The following STAB1 variants were observed in gnomAD, a reference collection of about 807,000 sequenced individuals.
The protein encoded by STAB1 is stabilin-1.
Under a neutral mutation model 332.4 loss-of-function variants are expected in STAB1, and 250 were observed. That is an observed-to-expected ratio of 0.75 (90% CI 0.68 to 0.84). STAB1 has a LOEUF of 0.84. Ranked by LOEUF, STAB1 falls within the 40% of genes least tolerant of loss-of-function variation. STAB1 has a pLI of 0.00. For missense variants in STAB1, 3,249 were observed against 3,489.7 expected (o/e 0.93, Z 1.74); for synonymous variants, 1,475 against 1,390.4 (o/e 1.06, Z -1.35).
Position 52,524,289 on chromosome 3 carries a change from T to C in STAB1, c.7657-11T>C. On this transcript the variant is annotated splice_polypyrimidine_tract_variant and intron_variant, in intron 68 of 68. Coordinates refer to ENST00000321725, the MANE Select transcript of STAB1 (RefSeq NM_015136.3). ...TGGTCACACCCTCCACCACCAACCC[T>C]GCTCTTCTAGGACTCACTGCTGGAG... The C allele has an allele frequency of 6.2e-7, 1 of 1,613,874 alleles. No homozygotes were observed. The highest frequency in any genetic ancestry group is 1.7e-5 in the Admixed American group (1 of 60,026).
In STAB1 at chr3:52,522,245, G is replaced by C. The variant is rs532879028; in HGVS notation, c.6465+15G>C. 17 of 1,612,020 alleles carry C rather than the reference G, an allele frequency of 1.1e-5. 1 individual carries two copies. The South Asian group carries it at 1.9e-4, about 18-fold the overall frequency. ...GCACCGGCCTGGTGAGCAGGTGGGG[G>C]AACCGAGTAGCCAGGGTGGGGAGGC... On this transcript the variant is annotated intron_variant, in intron 59 of 68. Transcript: ENST00000321725.
intron 50 of STAB1, 120 bp downstream of exon 50, chr3:52,519,684 G>T: frequency 7.0e-7 from 1 of 1,419,532 alleles, no homozygotes; most frequent in Non-Finnish European, 9.6e-7. Flanking sequence ...GTGTGAGCCT[G>T]TGTGAACTCA....
At position 52,521,948 on chromosome 3, in the gene STAB1, A is replaced by G; in HGVS notation, c.6268A>G (p.Thr2090Ala). The change falls in exon 58 of 69, where the codon ACA becomes GCA. Residue 2090 changes from threonine (T) to alanine (A), a missense_variant. By Grantham distance (58) the Thr-to-Ala change is moderately conservative. Coordinates refer to ENST00000321725, the MANE Select transcript of STAB1 (RefSeq NM_015136.3). ...LGYEGDGRVC[T>A]VADLCQDGHG... The stretch of plus-strand genomic sequence containing the variant: ...CTATGAAGGGGATGGCCGTGTGTGT[A>G]CAGGTAAGCAGATGGGCGGGGACAT... 6.2e-7 allele frequency: 1 copy of G among 1,608,104 alleles called. No homozygotes were observed. The highest frequency in any genetic ancestry group is 8.5e-7 in the Non-Finnish European group (1 of 1,176,206).
rs374832754 is a variant in STAB1, at chr3:52,508,288, A to C, written c.2164A>C (p.Lys722Gln). ...TCTCTTATAGGAACAAGGCTGCTGCAAAGGTTTTTTCGGGCCTGACTGCAC... is the reference window on the plus strand; with the variant it reads ...TCTCTTATAGGAACAAGGCTGCTGCCAAGGTTTTTTCGGGCCTGACTGCAC... ...NQTIMEQGCC[K>Q]GFFGPDCTQC... Residue 722 changes from lysine (K) to glutamine (Q), a missense_variant, in exon 21 of 69, where the codon AAA becomes CAA. Transcript: ENST00000321725. 284 of 1,613,268 alleles carry C rather than the reference A, an allele frequency of 1.8e-4. No individual in the cohort carries two copies. Among genetic ancestry groups the C allele is most frequent in the Non-Finnish European group, 2.1e-4 (246 of 1,179,490 alleles).
chr3:52,511,158 C>T (rs1321986960), intron 25 of STAB1, among the ~76,000 whole-genome samples: 2 of 152,186 alleles, frequency 1.3e-5, no homozygotes, highest in Non-Finnish European at 2.9e-5. Flanking sequence ...GTGAGATGCT[C>T]CCAACGTGCA....
In STAB1 at chr3:52,524,450, C is replaced by G. The variant is rs779192760; in HGVS notation, c.*94C>G. ...GGGGCAGGAGGGGCTGAGGGCCTGT[C>G]CCAGACAATAAAGGTGCCCTCAGCG... is the stretch of plus-strand genomic sequence containing the variant. On this transcript the variant is annotated 3_prime_UTR_variant, in exon 69 of 69. Coordinates refer to ENST00000321725, the MANE Select transcript of STAB1 (RefSeq NM_015136.3). 8.7e-6 allele frequency: 14 copies of G among 1,612,414 alleles called. No individual in the cohort carries two copies. Among genetic ancestry groups the G allele is most frequent in the Middle Eastern group, 1.6e-4 (1 of 6,084 alleles).
chr3:52,499,560 C>T (rs1708280214), intron 1 of STAB1, among the ~76,000 whole-genome samples: 1 of 152,242 alleles, frequency 6.6e-6, no homozygotes, highest in Non-Finnish European at 1.5e-5. Flanking sequence ...ACCACACCTG[C>T]CCCTGCGACT....
At chr3:52,504,924 AAGGGTGTGC>A in intron 12 of STAB1, 48 bp downstream of exon 12, 2 of 1,613,172 alleles carry the variant, frequency 1.2e-6, no homozygotes, top group Non-Finnish European at 1.7e-6. Flanking sequence ...ACAGCCTGGC[AAGGGTGTGC>A]AGGTGGGAGG....
Position 52,505,323 on chromosome 3 carries a change from C to T in STAB1, c.1523C>T (p.Thr508Ile). Residue 508 changes from threonine to isoleucine, a missense_variant, in exon 14 of 69, where the codon ACT becomes ATT. Thr to Ile is a moderately conservative substitution (Grantham distance 89). Transcript: ENST00000321725. The stretch of plus-strand genomic sequence containing the variant: ...CACACTCATCCCTCCTTACAGAGAA[C>T]TATCGGACAGATCCTCGCCTCTACC... ...PSGTPGDPKR[T>I]IGQILASTEA... is the part of the protein sequence containing the mutation. 6.2e-7 allele frequency: 1 copy of T among 1,613,692 alleles called. No individual in the cohort carries two copies. Among genetic ancestry groups the T allele is most frequent in the Non-Finnish European group, 8.5e-7 (1 of 1,179,934 alleles).
At position 52,522,541 on chromosome 3, in the gene STAB1, C is replaced by T; in HGVS notation, c.6611-14C>T. 1 of 1,613,106 alleles carries T rather than the reference C, an allele frequency of 6.2e-7. No homozygotes were observed. Among genetic ancestry groups the T allele is most frequent in the Middle Eastern group, 1.6e-4 (1 of 6,062 alleles). On this transcript the variant is annotated splice_polypyrimidine_tract_variant and intron_variant, in intron 60 of 68. Transcript: ENST00000321725. ...AGAGCCGGCCAGCTGACCATGCACC[C>T]CTCCATTCTGCAGAGAAACGGGCTG... is the stretch of plus-strand genomic sequence containing the variant.
At chr3:52,512,498 AC>A in intron 27 of STAB1, 62 bp downstream of exon 27, 1 of 1,610,854 alleles carries the variant, frequency 6.2e-7, no homozygotes, top group Non-Finnish European at 8.5e-7. Context: ...CCTCTCCAGC[AC>A]CTCAGGTGGG....
chr3:52,505,521 AG>A (rs1202397717), intron 14 of STAB1, 140 bp downstream of exon 14: 1 of 1,200,318 alleles, frequency 8.3e-7, no homozygotes, highest in Non-Finnish European at 1.2e-6. Context: ...CTCAAGCCTG[AG>A]GTTCTGTGGT....
At position 52,504,056 on chromosome 3, in the gene STAB1, G is replaced by A. The variant is rs759972966; in HGVS notation, c.1051G>A (p.Asp351Asn). Residue 351 changes from aspartate (D) to asparagine (N), a missense_variant, in exon 10 of 69, where the codon GAT becomes AAT. Physicochemically the swap from Asp to Asn is conservative, Grantham distance 23 (BLOSUM62 1). Transcript: ENST00000321725. ...TGTGTGCAGGGAAAGCGAGGTGGGG[G>A]ATGGGCGTGCCTGCTACGGACACCT... ...SCVCRESEVG[D>N]GRACYGHLLH... is the part of the protein sequence containing the mutation. The A allele has an allele frequency of 2.5e-6, 4 of 1,591,548 alleles. No homozygotes were observed. Among genetic ancestry groups the A allele is most frequent in the Non-Finnish European group, 3.4e-6 (4 of 1,169,100 alleles).
rs373887613 is a variant in STAB1, at chr3:52,514,425, C to T, written c.3607C>T (p.Arg1203Trp). The T allele has an allele frequency of 6.6e-5, 102 of 1,555,650 alleles. No individual in the cohort carries two copies. The highest frequency in any genetic ancestry group is 2.5e-4 in the South Asian group (20 of 81,434). The change falls in exon 34 of 69, where the codon CGG becomes TGG. Residue 1203 changes from arginine (R) to tryptophan (W), a missense_variant. Physicochemically the swap from Arg to Trp is moderately radical, Grantham distance 101. Coordinates refer to ENST00000321725, the MANE Select transcript of STAB1 (RefSeq NM_015136.3). ...LGEALSMETL[R>W]KGGHRNSLLG... ...GGAGGCCCTCTCCATGGAAACCCTGCGGAAGGGTGGACACCGCAACTCCCT... is the reference window on the plus strand; with the variant it reads ...GGAGGCCCTCTCCATGGAAACCCTGTGGAAGGGTGGACACCGCAACTCCCT...
At chr3:52,511,926 C>T (rs1211701270) in intron 26 of STAB1, among the ~76,000 whole-genome samples, 181 bp downstream of exon 26, 4 of 152,204 alleles carry the variant, frequency 2.6e-5, no homozygotes, top group African/African-American at 9.7e-5. Context: ...TGCCCAGCCT[C>T]GTCTCTCTGT....
rs1343136026 is a variant in STAB1 at position 52,506,160 on chromosome 3, C to A, written c.1750-10C>A. On this transcript the variant is annotated splice_polypyrimidine_tract_variant and intron_variant, in intron 16 of 68. Coordinates refer to ENST00000321725, the MANE Select transcript of STAB1 (RefSeq NM_015136.3). ...AGCCCAGCCTAAAGCCACACTGTCCCTTGCCCCAGCTGACCGTTGAGAAGC... is the reference window on the plus strand; with the variant it reads ...AGCCCAGCCTAAAGCCACACTGTCCATTGCCCCAGCTGACCGTTGAGAAGC... 1 of 1,609,106 alleles carries A rather than the reference C, an allele frequency of 6.2e-7. No individual in the cohort carries two copies. The highest frequency in any genetic ancestry group is 8.5e-7 in the Non-Finnish European group (1 of 1,178,092).
In STAB1 at chr3:52,516,034, C is replaced by G. The variant is rs368192195; in HGVS notation, c.3949-9C>G. The G allele has an allele frequency of 1.9e-6, 3 of 1,597,160 alleles. No homozygotes were observed. The highest frequency in any genetic ancestry group is 2.6e-6 in the Non-Finnish European group (3 of 1,172,012). On this transcript the variant is annotated splice_polypyrimidine_tract_variant and intron_variant, in intron 37 of 68. Coordinates refer to ENST00000321725, the MANE Select transcript of STAB1 (RefSeq NM_015136.3). Reference sequence around the variant, plus strand: ...TCTCTCGCCCTCTCTCCCATCCCCACGCCGACAGGTGCCGGACTGCTGCCC... The same window carrying G: ...TCTCTCGCCCTCTCTCCCATCCCCAGGCCGACAGGTGCCGGACTGCTGCCC...
chr3:52,518,799 G>T lies in STAB1; in HGVS notation c.4964G>T (p.Ser1655Ile). Residue 1655 changes from serine (S) to isoleucine (I), a missense_variant, in exon 48 of 69, where the codon AGC (serine) becomes ATC (isoleucine). Ser to Ile is a moderately radical substitution (Grantham distance 142). Transcript: ENST00000321725. The stretch of plus-strand genomic sequence containing the variant: ...GTGGTTGGCTGTCGGCGGCTGCGGA[G>T]CGAGGACCTGCTGGAGCAGGGGTAC... ...YHVVGCRRLR[S>I]EDLLEQGYAT... is the part of the protein sequence containing the mutation. 1 of 1,611,750 alleles carries T rather than the reference G, an allele frequency of 6.2e-7. No individual in the cohort carries two copies. Among genetic ancestry groups the T allele is most frequent in the South Asian group, 1.1e-5 (1 of 91,066 alleles).
At position 52,514,844 on chromosome 3, in the gene STAB1, C is replaced by T. The variant is rs910032723; in HGVS notation, c.3807+15C>T. On this transcript the variant is annotated intron_variant, in intron 35 of 68. Coordinates refer to ENST00000321725, the MANE Select transcript of STAB1 (RefSeq NM_015136.3). ...AGGCCCTGCGGGTGAGAGGCTGGGG[C>T]CACAGGAAGGCCGGCACGGGAGTTC... is the stretch of plus-strand genomic sequence containing the variant. 5 of 1,612,764 alleles carry T rather than the reference C, an allele frequency of 3.1e-6. No individual in the cohort carries two copies. The highest frequency in any genetic ancestry group is 4.2e-6 in the Non-Finnish European group (5 of 1,179,996).
Sources: gnomAD v4.1 joint callset for allele counts (sites outside exome capture counted in the v4.1 genomes callset) on GRCh38, gnomAD v4.1.1 for gene constraint, MANE v1.5 for transcripts, NCBI Gene and HGNC (gene_info 2026-07-23, HGNC 2026-07-21) for gene names.